Variants in ZNF205 observed in about 807,000 individuals in gnomAD.
ZNF205 encodes the protein zinc finger protein 205, also known as transcriptional repressor RHIT.
Under a neutral mutation model 53.6 loss-of-function variants are expected in ZNF205, and 32 were observed. The observed-to-expected ratio is 0.60, with a 90% CI of 0.45 to 0.80. The LOEUF is 0.80. Among genes scored for constraint, ZNF205 ranks in the 30% least tolerant of loss-of-function variants. The pLI is 0.00. For missense variants in ZNF205, 836 were observed against 782.4 expected (o/e 1.07, Z -0.82); for synonymous variants, 382 against 334.3 (o/e 1.14, Z -1.56).
chr16:3,116,974 T>C (rs1236127817), intron 5 of ZNF205, among the ~76,000 whole-genome samples: 3 of 152,098 alleles, frequency 2.0e-5, no homozygotes, highest in African/African-American at 7.2e-5. Context: ...TTTTGTATTT[T>C]TAGTAGAGAT....
At chr16:3,119,110 C>T in intron 6 of ZNF205, 95 bp downstream of exon 6, 4 of 1,526,510 alleles carry the variant, frequency 2.6e-6, no homozygotes, top group South Asian at 1.2e-5. Flanking sequence ...GCCACCAGAC[C>T]CCCTCCTGGG....
chr16:3,113,541 G>C, intron 2 of ZNF205, 54 bp downstream of exon 2: 1 of 1,594,352 alleles, frequency 6.3e-7, no homozygotes, highest in Non-Finnish European at 8.5e-7. Flanking sequence ...TGGTGCGGAG[G>C]AGATTTTCAA....
rs1957394062 is a variant in ZNF205 at position 3,119,614 on chromosome 16, C to G, written c.954C>G (p.Ser318Arg). Residue 318 changes from serine (S) to arginine (R), a missense_variant, in exon 7 of 7, where the codon AGC (serine) becomes AGG (arginine). Coordinates refer to ENST00000219091, the MANE Select transcript of ZNF205 (RefSeq NM_001042428.2). Reference protein sequence around the residue: ...YRCEQCGKGFSWHSHLVTHRR... With the variant: ...YRCEQCGKGFRWHSHLVTHRR... ...GCGAGCAGTGCGGCAAGGGCTTCAG[C>G]TGGCACTCGCACCTGGTGACGCACC... 2 of 1,610,846 alleles carry G rather than the reference C, an allele frequency of 1.2e-6. No homozygotes were observed. Among genetic ancestry groups the G allele is most frequent in the Non-Finnish European group, 1.7e-6 (2 of 1,178,944 alleles).
chr16:3,118,289 C>T (rs979390028), intron 5 of ZNF205, among the ~76,000 whole-genome samples: 1 of 152,080 alleles, frequency 6.6e-6, no homozygotes, highest in African/African-American at 2.4e-5. Context: ...TCAGGCTGCT[C>T]ACCGCTCTTA....
At chr16:3,115,953 C>A in intron 4 of ZNF205, 33 bp downstream of exon 4, 1 of 1,595,536 alleles carries the variant, frequency 6.3e-7, no homozygotes, top group East Asian at 2.3e-5. Context: ...CTGCATGGTA[C>A]TCAGCCCTTC....
intron 5 of ZNF205, among the ~76,000 whole-genome samples, chr16:3,118,141 C>A (rs546697274): frequency 6.6e-6 from 1 of 151,226 alleles, no homozygotes; most frequent in East Asian, 2.0e-4. Context: ...GAGGCATGAG[C>A]CACTGCGCCT....
Position 3,112,645 on chromosome 16 carries a change from C to A in ZNF205, c.-52C>A. On this transcript the variant is annotated 5_prime_UTR_variant, in exon 1 of 7. Transcript: ENST00000219091. Reference sequence around the variant, plus strand: ...GAGACTCCCTTCCCGGGGGAGGGGGCCCCCACTGCCGCAGGTGCCCCCTCT... The same window carrying A: ...GAGACTCCCTTCCCGGGGGAGGGGGACCCCACTGCCGCAGGTGCCCCCTCT... The A allele has an allele frequency of 3.3e-6, 1 of 303,714 alleles. No homozygotes were observed. Among genetic ancestry groups the A allele is most frequent in the Admixed American group, 4.1e-5 (1 of 24,546 alleles). The allele number at this position is 303,714 out of a possible 1,614,324, so 18.8% of individuals were successfully genotyped here.
At chr16:3,116,077 T>C (rs1957341921) in intron 4 of ZNF205, 157 bp downstream of exon 4, 2 of 860,114 alleles carry the variant, frequency 2.3e-6, no homozygotes, top group Non-Finnish European at 3.6e-6. Flanking sequence ...TCAAGGCCCA[T>C]GGTCAGGCCT....
At chr16:3,115,304 C>T in intron 2 of ZNF205, 51 bp from the exon 3 acceptor site, 1 of 1,420,546 alleles carries the variant, frequency 7.0e-7, no homozygotes, top group Non-Finnish European at 9.3e-7. Flanking sequence ...GCCATGTGGC[C>T]CTGGGTGTCT....
At position 3,119,597 on chromosome 16, in the gene ZNF205, T is replaced by G; in HGVS notation, c.937T>G (p.Cys313Gly). The G allele has an allele frequency of 1.2e-6, 2 of 1,610,006 alleles. No individual in the cohort carries two copies. Among genetic ancestry groups the G allele is most frequent in the Non-Finnish European group, 1.7e-6 (2 of 1,178,638 alleles). The change falls in exon 7 of 7, where the codon TGC becomes GGC. Residue 313 changes from cysteine to glycine, a missense_variant. Physicochemically the swap from Cys to Gly is radical, Grantham distance 159. Coordinates refer to ENST00000219091, the MANE Select transcript of ZNF205 (RefSeq NM_001042428.2). Reference sequence around the variant, plus strand: ...CAGGAAGAGCTACCGGTGCGAGCAGTGCGGCAAGGGCTTCAGCTGGCACTC... The same window carrying G: ...CAGGAAGAGCTACCGGTGCGAGCAGGGCGGCAAGGGCTTCAGCTGGCACTC... ...VGRKSYRCEQ[C>G]GKGFSWHSHL...
intron 2 of ZNF205, among the ~76,000 whole-genome samples, chr16:3,114,058 G>A (rs974549024): frequency 3.3e-5 from 5 of 152,198 alleles, no homozygotes; most frequent in Non-Finnish European, 4.4e-5. Flanking sequence ...CACCTGTCTC[G>A]CAGGGTCACT....
Position 3,120,264 on chromosome 16 carries a change from T to C in ZNF205, c.1604T>C (p.Met535Thr). 6.2e-7 allele frequency: 1 copy of C among 1,603,538 alleles called. No homozygotes were observed. The highest frequency in any genetic ancestry group is 8.5e-7 in the Non-Finnish European group (1 of 1,179,056). Residue 535 changes from methionine to threonine, a missense_variant, in exon 7 of 7, where the codon ATG becomes ACG. Transcript: ENST00000219091. ...ACCACCGGGCCCAAGGCCCTGGCCATGCTGATGCTGGGGGCGGCGGCGGCG... is the reference window on the plus strand; with the variant it reads ...ACCACCGGGCCCAAGGCCCTGGCCACGCTGATGCTGGGGGCGGCGGCGGCG... ...IHTTGPKALA[M>T]LMLGAAAAGA... is the part of the protein sequence containing the mutation.
chr16:3,119,658 A>G lies in ZNF205; in HGVS notation c.998A>G (p.Glu333Gly), dbSNP rs767933612. 2.5e-6 allele frequency: 4 copies of G among 1,612,554 alleles called. No individual in the cohort carries two copies. The East Asian group carries it at 8.9e-5, about 36-fold the overall frequency. The change falls in exon 7 of 7, where the codon GAG becomes GGG. Residue 333 changes from glutamate (E) to glycine (G), a missense_variant. Coordinates refer to ENST00000219091, the MANE Select transcript of ZNF205 (RefSeq NM_001042428.2). ...ACGCACCGGCGCACGCACACGGGCGAGAAGCCCTACGCCTGCACTGACTGC... is the reference window on the plus strand; with the variant it reads ...ACGCACCGGCGCACGCACACGGGCGGGAAGCCCTACGCCTGCACTGACTGC... The part of the protein sequence containing the change: ...LVTHRRTHTG[E>G]KPYACTDCGK...
Position 3,120,126 on chromosome 16 carries a change from C to G in ZNF205, c.1466C>G (p.Ser489Trp). 1.2e-6 allele frequency: 2 copies of G among 1,613,578 alleles called. No homozygotes were observed. Among genetic ancestry groups the G allele is most frequent in the Non-Finnish European group, 8.5e-7 (1 of 1,179,760 alleles). ...TGCGGCAAGAGCTTCAGCCACAGCT[C>G]GCACCTCACCGCGCACCAGCGCACC... Reference protein sequence around the residue: ...LDCGKSFSHSSHLTAHQRTHR... With the variant: ...LDCGKSFSHSWHLTAHQRTHR... Residue 489 changes from serine (S) to tryptophan (W), a missense_variant, in exon 7 of 7, where the codon TCG (serine) becomes TGG (tryptophan). Coordinates refer to ENST00000219091, the MANE Select transcript of ZNF205 (RefSeq NM_001042428.2).
In ZNF205 at chr16:3,119,825, G is replaced by A; in HGVS notation, c.1165G>A (p.Glu389Lys). Reference protein sequence around the residue: ...LIQHQRIHTGEKPYVCDRCAK... With the variant: ...LIQHQRIHTGKKPYVCDRCAK... ...TCAGCACCAGCGCATCCACACCGGA[G>A]AGAAGCCCTACGTGTGCGACCGCTG... Residue 389 changes from glutamate to lysine, a missense_variant, in exon 7 of 7, where the codon GAG becomes AAG. Physicochemically the swap from Glu to Lys is moderately conservative, Grantham distance 56. Transcript: ENST00000219091. The A allele has an allele frequency of 3.1e-6, 5 of 1,613,654 alleles. No homozygotes were observed. Among genetic ancestry groups the A allele is most frequent in the Non-Finnish European group, 4.2e-6 (5 of 1,179,882 alleles).
In ZNF205 at chr16:3,120,135, C is replaced by T; in HGVS notation, c.1475C>T (p.Thr492Ile). ...GKSFSHSSHL[T>I]AHQRTHRGVR... ...AGCTTCAGCCACAGCTCGCACCTCA[C>T]CGCGCACCAGCGCACCCACCGTGGC... Residue 492 changes from threonine (T) to isoleucine (I), a missense_variant, in exon 7 of 7, where the codon ACC becomes ATC. By Grantham distance (89) the Thr-to-Ile change is moderately conservative. Transcript: ENST00000219091. The T allele has an allele frequency of 5.6e-6, 9 of 1,612,572 alleles. No homozygotes were observed. The highest frequency in any genetic ancestry group is 7.6e-6 in the Non-Finnish European group (9 of 1,179,418).
chr16:3,118,652 A>G (rs1264390591), intron 5 of ZNF205, among the ~76,000 whole-genome samples: 1 of 152,102 alleles, frequency 6.6e-6, no homozygotes, highest in Non-Finnish European at 1.5e-5. Flanking sequence ...GCGTTGATGT[A>G]GGGTGTTGCC....
chr16:3,116,270 T>C (rs1596297968), intron 4 of ZNF205, 157 bp from the exon 5 acceptor site: 2 of 1,089,940 alleles, frequency 1.8e-6, no homozygotes, highest in East Asian at 2.5e-5. Flanking sequence ...CAGAAGGCCT[T>C]GGGTGGCTCA....
At position 3,115,342 on chromosome 16, in the gene ZNF205, C is replaced by T; in HGVS notation, c.58-13C>T. 1 of 1,570,678 alleles carries T rather than the reference C, an allele frequency of 6.4e-7. No individual in the cohort carries two copies. Among genetic ancestry groups the T allele is most frequent in the Non-Finnish European group, 8.6e-7 (1 of 1,159,032 alleles). ...CCCACTCATCTGGGTGCTGATGGGG[C>T]TGTCCTTTCTAGGTTCCAGATCGTG... On this transcript the variant is annotated splice_polypyrimidine_tract_variant and intron_variant, in intron 2 of 6. Coordinates refer to ENST00000219091, the MANE Select transcript of ZNF205 (RefSeq NM_001042428.2).
Sources: gnomAD v4.1 joint callset for allele counts (sites outside exome capture counted in the v4.1 genomes callset) on GRCh38, gnomAD v4.1.1 for gene constraint, MANE v1.5 for transcripts, NCBI Gene and HGNC (gene_info 2026-07-23, HGNC 2026-07-21) for gene names.